The following EDIL3 variants were observed in gnomAD, a reference collection of about 807,000 sequenced individuals.
EDIL3 encodes EGF like and discoidin domains 3, also known as EGF-like repeat and discoidin I-like domain-containing protein 3.
Under a neutral mutation model 67.4 loss-of-function variants are expected in EDIL3, and 37 were observed. The observed-to-expected ratio is 0.55, with a 90% confidence interval of 0.42 to 0.72. The LOEUF is 0.72. Ranked by LOEUF, EDIL3 falls within the 30% of genes least tolerant of loss-of-function variation. EDIL3 has a pLI of 0.00. For missense variants in EDIL3, 527 were observed against 586.3 expected (o/e 0.90, Z 1.04); for synonymous variants, 195 against 196.3 (o/e 0.99, Z 0.05).
intron 2 of EDIL3, among the ~76,000 whole-genome samples, chr5:84,244,699 C>T (rs1178413850): frequency 6.6e-6 from 1 of 152,182 alleles, no homozygotes; most frequent in African/African-American, 2.4e-5. Context: ...TGTCATTCAT[C>T]CGTTAGCCCT....
intron 1 of EDIL3, among the ~76,000 whole-genome samples, chr5:84,371,576 T>G (rs1747856442): frequency 6.6e-6 from 1 of 150,828 alleles, no homozygotes; most frequent in South Asian, 2.1e-4. Flanking sequence ...GAAATTTGTG[T>G]GTTGCATTAT....
intron 9 of EDIL3, among the ~76,000 whole-genome samples, chr5:84,052,023 T>C (rs931620453): frequency 1.1e-4 from 16 of 151,876 alleles, no homozygotes; most frequent in Non-Finnish European, 2.4e-4. Flanking sequence ...TCACCAAAGA[T>C]GAAATGAAGG....
intron 1 of EDIL3, among the ~76,000 whole-genome samples, chr5:84,308,570 G>A (rs1746318243): frequency 6.6e-6 from 1 of 152,060 alleles, no homozygotes; most frequent in South Asian, 2.1e-4. Context: ...TCATTTGGAA[G>A]AATTGTTATT....
chr5:83,984,457 T>G (rs1195305369), intron 9 of EDIL3, among the ~76,000 whole-genome samples: 1 of 151,942 alleles, frequency 6.6e-6, no homozygotes, highest in Non-Finnish European at 1.5e-5. Flanking sequence ...TGGAATATCA[T>G]CCGGGGAATC....
intron 4 of EDIL3, among the ~76,000 whole-genome samples, chr5:84,161,161 T>A (rs1411950576): frequency 6.6e-6 from 1 of 152,048 alleles, no homozygotes; most frequent in South Asian, 2.1e-4. Flanking sequence ...CTGTTGTGAA[T>A]GCCATGACTT....
chr5:84,380,493 A>G (rs1029778610), intron 1 of EDIL3, among the ~76,000 whole-genome samples: 6 of 152,128 alleles, frequency 3.9e-5, no homozygotes, highest in African/African-American at 1.4e-4. Flanking sequence ...ACTTGAACTG[A>G]GTTCTGAAGC....
intron 5 of EDIL3, among the ~76,000 whole-genome samples, chr5:84,127,795 A>G (rs1310475891): frequency 1.3e-5 from 2 of 152,008 alleles, no homozygotes; most frequent in African/African-American, 4.8e-5. Flanking sequence ...TTAGCCATTT[A>G]TACTTTTTAC....
chr5:83,981,638 C>T (rs1351279009), intron 9 of EDIL3, among the ~76,000 whole-genome samples: 11 of 151,968 alleles, frequency 7.2e-5, no homozygotes, highest in Non-Finnish European at 1.6e-4. Context: ...TGCAAAGTAA[C>T]CGATGATTAG....
At chr5:83,982,920 C>T (rs1241172483) in intron 9 of EDIL3, among the ~76,000 whole-genome samples, 1 of 152,130 alleles carries the variant, frequency 6.6e-6, no homozygotes, top group Non-Finnish European at 1.5e-5. Context: ...GTAGATGGGG[C>T]ACAAGTGGAA....
chr5:84,024,880 C>G (rs1037730439), intron 9 of EDIL3, among the ~76,000 whole-genome samples: 1 of 151,622 alleles, frequency 6.6e-6, no homozygotes, highest in Non-Finnish European at 1.5e-5. Flanking sequence ...TCCAAGATGA[C>G]TGACAAAATT....
intron 1 of EDIL3, among the ~76,000 whole-genome samples, chr5:84,273,264 G>A (rs1251680848): frequency 6.6e-5 from 10 of 152,144 alleles, no homozygotes; most frequent in African/African-American, 1.7e-4. Context: ...TCTTTAGGGC[G>A]CTAATGGTCC....
intron 5 of EDIL3, among the ~76,000 whole-genome samples, chr5:84,127,393 A>G (rs751853507): frequency 3.3e-5 from 5 of 152,126 alleles, no homozygotes; most frequent in Admixed American, 6.6e-5. Context: ...AAAGCTATTA[A>G]GGTAACTATT....
chr5:83,956,982 C>T (rs1481315012), intron 10 of EDIL3, among the ~76,000 whole-genome samples: 1 of 151,636 alleles, frequency 6.6e-6, no homozygotes, highest in Non-Finnish European at 1.5e-5. Context: ...GTCACTCAGC[C>T]ACTGAATAAG....
Position 84,060,452 on chromosome 5 carries a change from G to T in EDIL3, c.985C>A (p.His329Asn), listed in dbSNP as rs779993164. Residue 329 changes from histidine to asparagine, a missense_variant, in exon 9 of 11, where the codon CAT (histidine) becomes AAT (asparagine). By Grantham distance (68) the His-to-Asn change is moderately conservative. Coordinates refer to ENST00000296591, the MANE Select transcript of EDIL3 (RefSeq NM_005711.5). The part of the protein sequence containing the change: ...CSEPLGMKSG[H>N]IQDYQITASS... Reference sequence around the variant, plus strand: ...GCAGTGATCTGATAGTCTTGTATATGTCCTGATTTCATACCCAGAGGCTCA... The same window carrying T: ...GCAGTGATCTGATAGTCTTGTATATTTCCTGATTTCATACCCAGAGGCTCA... 1.9e-6 allele frequency: 3 copies of T among 1,613,626 alleles called. No individual in the cohort carries two copies. The highest frequency in any genetic ancestry group is 2.5e-6 in the Non-Finnish European group (3 of 1,179,774).
intron 1 of EDIL3, among the ~76,000 whole-genome samples, chr5:84,331,773 A>G (rs907020933): frequency 3.3e-5 from 5 of 152,222 alleles, no homozygotes; most frequent in Non-Finnish European, 5.9e-5. Flanking sequence ...TACTGGGATC[A>G]ACTTTAGTAC....
At chr5:84,253,178 T>C (rs981526258) in intron 2 of EDIL3, among the ~76,000 whole-genome samples, 1 of 152,180 alleles carries the variant, frequency 6.6e-6, no homozygotes, top group Non-Finnish European at 1.5e-5. Flanking sequence ...CCCTGGACGC[T>C]ATTACTTTTC....
intron 1 of EDIL3, among the ~76,000 whole-genome samples, chr5:84,349,453 A>C (rs1434498050): frequency 6.6e-6 from 1 of 152,232 alleles, no homozygotes; most frequent in African/African-American, 2.4e-5. Context: ...TGACTCAAGT[A>C]GGACACGATT....
intron 1 of EDIL3, among the ~76,000 whole-genome samples, chr5:84,309,660 A>T (rs1239161037): frequency 6.6e-6 from 1 of 152,132 alleles, no homozygotes; most frequent in Non-Finnish European, 1.5e-5. Flanking sequence ...ATGTCCCTAC[A>T]AAGGACATGA....
At chr5:84,117,019 T>TA (rs1747676979) in intron 5 of EDIL3, among the ~76,000 whole-genome samples, 1 of 136,284 alleles carries the variant, frequency 7.3e-6, no homozygotes, top group African/African-American at 3.0e-5. Context: ...GTTAAGTACT[T>TA]ATTTTTTTTT....
Sources: gnomAD v4.1 joint callset for allele counts (sites outside exome capture counted in the v4.1 genomes callset) on GRCh38, gnomAD v4.1.1 for gene constraint, MANE v1.5 for transcripts, NCBI Gene and HGNC (gene_info 2026-07-23, HGNC 2026-07-21) for gene names.